CSMD3: variants seen among roughly 807,000 people sequenced by gnomAD.
The protein encoded by CSMD3 is CUB and sushi domain-containing protein 3.
CSMD3 carries 177 observed loss-of-function variants against 435.2 expected under a neutral mutation model. The observed-to-expected ratio is 0.41, with a 90% confidence interval of 0.36 to 0.46. CSMD3 has a LOEUF of 0.46. Ranked by LOEUF, CSMD3 falls within the 20% of genes least tolerant of loss-of-function variation. CSMD3 has a pLI of 0.34. For missense variants in CSMD3, 4,265 were observed against 4,504.6 expected, an observed-to-expected ratio of 0.95 and a Z score of 1.52; for synonymous variants, 1,656 against 1,520.5, an observed-to-expected ratio of 1.09 and a Z score of -2.07.
chr8:113,078,966 A>G (rs1167550150), intron 5 of CSMD3, among the ~76,000 whole-genome samples: 1 of 152,198 alleles, frequency 6.6e-6, no homozygotes, highest in Non-Finnish European at 1.5e-5. Context: ...GAAACATTCA[A>G]GATTATTGAA....
At position 113,048,327 on chromosome 8, in the gene CSMD3, A is replaced by C. The variant is rs142481542; in HGVS notation, c.918-29148T>G. Reference sequence around the variant, plus strand: ...CCAGGCTGGTCTCCATCTCCTGACCATGTGATCCGCCCGCCTCGGCCTCCC... The same window carrying C: ...CCAGGCTGGTCTCCATCTCCTGACCCTGTGATCCGCCCGCCTCGGCCTCCC... On this transcript the variant is annotated intron_variant, in intron 5 of 70. Transcript: ENST00000297405. Among the ~76,000 whole-genome samples the C allele has an allele frequency of 4.6e-3, 698 of 152,088 alleles. 7 individuals carry two copies. The highest frequency in any genetic ancestry group is 0.016 in the African/African-American group (644 of 41,526).
Position 112,304,750 on chromosome 8 carries a change from C to T in CSMD3, c.8237G>A (p.Ser2746Asn), listed in dbSNP as rs767586791. ...SIECLPNGTW[S>N]WRNERPYCQI... ...GCAATATGGTCTTTCATTTCTCCAA[C>T]TCCAAGTACCATTAGGAAGACATTC... Residue 2746 changes from serine to asparagine, a missense_variant, in exon 52 of 71, where the codon AGT becomes AAT. By Grantham distance (46) the Ser-to-Asn change is conservative (BLOSUM62 1). Transcript: ENST00000297405. 2 of 1,613,718 alleles carry T rather than the reference C, an allele frequency of 1.2e-6. No individual in the cohort carries two copies. The highest frequency in any genetic ancestry group is 1.1e-5 in the South Asian group (1 of 91,086).
rs977125466 is a variant in CSMD3, at chr8:113,054,183, T to C, written c.918-35004A>G. Among the ~76,000 whole-genome samples, 3 of 152,192 alleles carry C rather than the reference T, an allele frequency of 2.0e-5. No homozygotes were observed. In the East Asian group the frequency reaches 5.8e-4, roughly 29 times the overall value. On this transcript the variant is annotated intron_variant, in intron 5 of 70. Coordinates refer to ENST00000297405, the MANE Select transcript of CSMD3 (RefSeq NM_198123.2). ...AATTACATAATTACTTTCTCAAAAT[T>C]ATTATTTCTCTTTTCCCATTTTCCT...
At chr8:112,960,448 T>C (rs1405746158) in intron 7 of CSMD3, among the ~76,000 whole-genome samples, 1 of 151,732 alleles carries the variant, frequency 6.6e-6, no homozygotes, top group Non-Finnish European at 1.5e-5. Flanking sequence ...GCATAATTTT[T>C]AAAAAAGTGA....
chr8:113,375,398 G>A (rs1484898311), intron 1 of CSMD3, among the ~76,000 whole-genome samples: 1 of 152,088 alleles, frequency 6.6e-6, no homozygotes, highest in Non-Finnish European at 1.5e-5. Context: ...TTCGCTTTGA[G>A]TTTAGACTAT....
intron 4 of CSMD3, among the ~76,000 whole-genome samples, chr8:113,127,953 T>C (rs920193254): frequency 2.0e-5 from 3 of 152,206 alleles, no homozygotes; most frequent in East Asian, 1.9e-4. Flanking sequence ...CTGTGACTTT[T>C]CCTCTACGTA....
chr8:112,362,579 C>T (rs141573963), intron 38 of CSMD3, among the ~76,000 whole-genome samples: 55 of 152,006 alleles, frequency 3.6e-4, no homozygotes, highest in African/African-American at 1.2e-3. Context: ...GTACCTATTG[C>T]GTGCTCTGTA....
chr8:112,744,724 T>C (rs1247290239), intron 13 of CSMD3, among the ~76,000 whole-genome samples: 1 of 152,084 alleles, frequency 6.6e-6, no homozygotes, highest in Non-Finnish European at 1.5e-5. Context: ...CTCACAGATC[T>C]GGGTGATTTA....
At chr8:112,612,537 C>T (rs1186825202) in intron 22 of CSMD3, among the ~76,000 whole-genome samples, 2 of 151,984 alleles carry the variant, frequency 1.3e-5, no homozygotes, top group Non-Finnish European at 2.9e-5. Context: ...CAGACCCTCT[C>T]GAATTCTTCA....
chr8:113,174,045 T>G (rs2092311316), intron 3 of CSMD3, 129 bp from the exon 4 acceptor site: 1 of 718,140 alleles, frequency 1.4e-6, no homozygotes, highest in East Asian at 2.7e-5. Flanking sequence ...TGAAAGGAAC[T>G]GTCTTCTATT....
intron 10 of CSMD3, among the ~76,000 whole-genome samples, chr8:112,889,150 G>GCC (rs1462740549): frequency 6.6e-6 from 1 of 151,620 alleles, no homozygotes; most frequent in Non-Finnish European, 1.5e-5. Flanking sequence ...TCCCCTTGCT[G>GCC]CCCCTACGTT....
chr8:112,536,574 CT>C (rs1826109151), intron 27 of CSMD3, among the ~76,000 whole-genome samples: 1 of 152,128 alleles, frequency 6.6e-6, no homozygotes, highest in African/African-American at 2.4e-5. Context: ...GTTGGTGGGA[CT>C]GTAAACTAGT....
chr8:112,778,414 T>C (rs954917942), intron 13 of CSMD3, among the ~76,000 whole-genome samples: 1 of 151,986 alleles, frequency 6.6e-6, no homozygotes, highest in Non-Finnish European at 1.5e-5. Context: ...ATAATTTTAT[T>C]GTCTCAATTG....
intron 4 of CSMD3, among the ~76,000 whole-genome samples, chr8:113,153,273 G>C (rs2091867868): frequency 6.6e-6 from 1 of 150,436 alleles, no homozygotes; most frequent in Non-Finnish European, 1.5e-5. Flanking sequence ...AGGAAGGAAG[G>C]GAATTTGTCT....
intron 1 of CSMD3, among the ~76,000 whole-genome samples, chr8:113,363,464 T>C (rs537622250): frequency 1.6e-4 from 24 of 152,304 alleles, no homozygotes; most frequent in South Asian, 1.0e-3. Context: ...TTCTGCTCTT[T>C]CCCTGTTCTG....
chr8:113,108,918 T>A (rs1487099193), intron 4 of CSMD3, among the ~76,000 whole-genome samples: 1 of 152,188 alleles, frequency 6.6e-6, no homozygotes, highest in Non-Finnish European at 1.5e-5. Flanking sequence ...CAAATGTGCA[T>A]GTGTAAATTG....
At chr8:113,189,926 T>C (rs573523850) in intron 3 of CSMD3, among the ~76,000 whole-genome samples, 6 of 151,966 alleles carry the variant, frequency 3.9e-5, no homozygotes, top group African/African-American at 1.4e-4. Flanking sequence ...TCATGTGCTT[T>C]AAAAACATAA....
At chr8:112,984,369 A>T (rs2130981888) in intron 6 of CSMD3, among the ~76,000 whole-genome samples, 1 of 152,224 alleles carries the variant, frequency 6.6e-6, no homozygotes, top group East Asian at 1.9e-4. Context: ...CATCATTTAT[A>T]TTTGACTTCA....
intron 5 of CSMD3, among the ~76,000 whole-genome samples, chr8:113,028,156 GT>G (rs1223863466): frequency 1.3e-5 from 2 of 151,964 alleles, no homozygotes; most frequent in African/African-American, 4.8e-5. Context: ...CTCATAACAT[GT>G]CAAAATTTTC....
Sources: gnomAD v4.1 joint callset for allele counts (sites outside exome capture counted in the v4.1 genomes callset) on GRCh38, gnomAD v4.1.1 for gene constraint, MANE v1.5 for transcripts, NCBI Gene and HGNC (gene_info 2026-07-23, HGNC 2026-07-21) for gene names.